Variants in CFAP52 observed in about 807,000 individuals in gnomAD.
CFAP52 encodes cilia and flagella associated protein 52, also known as cilia- and flagella-associated protein 52.
A neutral mutation model predicts 70.5 loss-of-function variants in CFAP52; 57 were observed. The observed-to-expected ratio is 0.81, with a 90% confidence interval of 0.65 to 1.01. The LOEUF (loss-of-function observed/expected upper bound fraction) is 1.01. CFAP52 is among the 50% of genes least tolerant of loss of function. CFAP52 has a pLI of 0.00. For missense variants in CFAP52, 785 were observed against 788.5 expected, an observed-to-expected ratio of 1.00 and a Z score of 0.05; for synonymous variants, 267 against 292.5, an observed-to-expected ratio of 0.91 and a Z score of 0.89.
intron 11 of CFAP52, among the ~76,000 whole-genome samples, chr17:9,636,468 C>T (rs1263785773): frequency 6.6e-6 from 1 of 152,100 alleles, no homozygotes; most frequent in Non-Finnish European, 1.5e-5. Context: ...AGCCTGTGAA[C>T]TTTATTGTAG....
intron 3 of CFAP52, among the ~76,000 whole-genome samples, 163 bp from the exon 4 acceptor site, chr17:9,594,030 C>T (rs1175480222): frequency 6.6e-6 from 1 of 152,080 alleles, no homozygotes; most frequent in Non-Finnish European, 1.5e-5. Flanking sequence ...CTTCTAATAC[C>T]TAGTGTAGTT....
intron 9 of CFAP52, among the ~76,000 whole-genome samples, chr17:9,629,483 CTTTCTTTCTTTCTTTTCT>C (rs1332970239): frequency 7.5e-6 from 1 of 133,024 alleles, no homozygotes; most frequent in Non-Finnish European, 1.5e-5. Flanking sequence ...CCCTTTCTTT[CTTTCTTTCTTTCTTTTCT>C]TTTCTTTCTT....
intron 3 of CFAP52, among the ~76,000 whole-genome samples, chr17:9,588,361 A>T (rs1908590443): frequency 6.6e-6 from 1 of 152,164 alleles, no homozygotes; most frequent in Non-Finnish European, 1.5e-5. Flanking sequence ...GACACAGCTC[A>T]GCCCGCTCGT....
At chr17:9,588,428 C>T (rs774200783) in intron 3 of CFAP52, among the ~76,000 whole-genome samples, 56 of 152,128 alleles carry the variant, frequency 3.7e-4, no homozygotes, top group Non-Finnish European at 5.1e-4. Flanking sequence ...GAGCTGGCTG[C>T]GCAGCTGTAT....
chr17:9,595,829 C>T (rs552346759), intron 4 of CFAP52, among the ~76,000 whole-genome samples: 16 of 150,702 alleles, frequency 1.1e-4, no homozygotes, highest in Non-Finnish European at 2.2e-4. Flanking sequence ...CATGAGATGT[C>T]CTGCAAGTTT....
At chr17:9,631,948 T>G (rs1910561663) in intron 9 of CFAP52, among the ~76,000 whole-genome samples, 1 of 151,924 alleles carries the variant, frequency 6.6e-6, no homozygotes, top group Admixed American at 6.6e-5. Flanking sequence ...TTTGTAATTT[T>G]TTTTAGTAGA....
At chr17:9,594,435 T>C in intron 4 of CFAP52, 114 bp downstream of exon 4, 2 of 1,311,062 alleles carry the variant, frequency 1.5e-6, no homozygotes, top group Non-Finnish European at 2.0e-6. Context: ...ATAAATACCT[T>C]ACATCATAGT....
At chr17:9,595,265 C>A (rs1356139214) in intron 4 of CFAP52, among the ~76,000 whole-genome samples, 2 of 151,772 alleles carry the variant, frequency 1.3e-5, no homozygotes, top group East Asian at 1.9e-4. Context: ...TTTTTTCAAC[C>A]CATCTTGGAA....
chr17:9,625,658 G>A (rs1032799469), intron 8 of CFAP52, among the ~76,000 whole-genome samples: 4 of 152,212 alleles, frequency 2.6e-5, no homozygotes, highest in Non-Finnish European at 5.9e-5. Flanking sequence ...GCTCCCACAT[G>A]TGAGAAAGCC....
intron 12 of CFAP52, among the ~76,000 whole-genome samples, chr17:9,639,480 G>A (rs1198549605): frequency 1.3e-5 from 2 of 151,936 alleles, no homozygotes. Context: ...AGCTAAAGAG[G>A]AAGGTGAAGG....
intron 6 of CFAP52, among the ~76,000 whole-genome samples, chr17:9,601,629 G>A (rs1297165835): frequency 6.6e-6 from 1 of 152,142 alleles, no homozygotes. Context: ...TCGTGAGCAA[G>A]ACCTAGAAAT....
chr17:9,580,763 A>T (rs1401934778), intron 1 of CFAP52, among the ~76,000 whole-genome samples: 1 of 151,586 alleles, frequency 6.6e-6, no homozygotes, highest in Admixed American at 6.6e-5. Flanking sequence ...AAAAAGAAAA[A>T]AAAAGGGTAA....
chr17:9,576,914 C>A, intron 1 of CFAP52, 149 bp downstream of exon 1: 3 of 766,678 alleles, frequency 3.9e-6, no homozygotes, highest in Non-Finnish European at 6.0e-6. Flanking sequence ...GGAGGACCCG[C>A]ACAGCCTGAC....
chr17:9,636,874 G>A (rs1006419429), intron 11 of CFAP52, among the ~76,000 whole-genome samples: 6 of 152,028 alleles, frequency 3.9e-5, no homozygotes, highest in African/African-American at 1.5e-4. Context: ...GTGAAAGCCC[G>A]TCTCTACTAA....
chr17:9,604,011 A>G (rs990520719), intron 6 of CFAP52, among the ~76,000 whole-genome samples: 3 of 152,210 alleles, frequency 2.0e-5, no homozygotes, highest in African/African-American at 7.2e-5. Flanking sequence ...CACATAGTCA[A>G]CTGATCATTG....
intron 3 of CFAP52, among the ~76,000 whole-genome samples, chr17:9,591,147 C>T (rs1368174299): frequency 2.1e-5 from 3 of 143,752 alleles, no homozygotes; most frequent in Non-Finnish European, 4.5e-5. Context: ...AAGCGATTCT[C>T]CTGCCTCAGC....
At chr17:9,594,495 A>G in intron 4 of CFAP52, 174 bp downstream of exon 4, 1 of 744,536 alleles carries the variant, frequency 1.3e-6, no homozygotes, top group Non-Finnish European at 1.9e-6. Context: ...AAGTATTTTC[A>G]CTATAGTTAT....
At chr17:9,580,935 T>G (rs971417388) in intron 1 of CFAP52, among the ~76,000 whole-genome samples, 40 of 152,318 alleles carry the variant, frequency 2.6e-4, no homozygotes, top group Non-Finnish European at 3.5e-4. Context: ...TTCAAAAAAT[T>G]TACGTGCAAT....
chr17:9,604,046 G>T (rs1290994737), intron 6 of CFAP52, among the ~76,000 whole-genome samples: 1 of 151,398 alleles, frequency 6.6e-6, no homozygotes, highest in Non-Finnish European at 1.5e-5. Flanking sequence ...GAAATACAAT[G>T]GAAAAAAAGA....
Sources: allele counts gnomAD v4.1 joint callset (sites outside exome capture counted in the v4.1 genomes callset), GRCh38; gene constraint gnomAD v4.1.1; transcripts MANE v1.5; gene names NCBI Gene and HGNC (gene_info 2026-07-23, HGNC 2026-07-21).